WBP4: variants seen among roughly 807,000 people sequenced by gnomAD.
WBP4 encodes the protein WW domain binding protein 4, also known as WW domain-binding protein 4.
In WBP4, 37 loss-of-function variants were observed where a neutral mutation model predicts 55.4. That is an observed-to-expected ratio of 0.67 (90% CI 0.51 to 0.88). The LOEUF is 0.88. Ranked by LOEUF, WBP4 falls within the 40% of genes least tolerant of loss-of-function variation. The probability of loss-of-function intolerance (pLI) is 0.00; values close to 1 mark genes in which losing one functional copy is unlikely to be tolerated. For synonymous variants in WBP4, 142 were observed against 140.2 expected (o/e 1.01, Z -0.09); for missense variants, 398 against 420.8 (o/e 0.95, Z 0.47).
At chr13:41,064,140 C>T (rs1434107826) in intron 2 of WBP4, among the ~76,000 whole-genome samples, 1 of 151,858 alleles carries the variant, frequency 6.6e-6, no homozygotes, top group African/African-American at 2.4e-5. Context: ...CTTATTCCAG[C>T]ATACATAAAA....
At chr13:41,082,656 G>T in intron 9 of WBP4, 48 bp from the exon 10 acceptor site, 1 of 1,574,466 alleles carries the variant, frequency 6.4e-7, no homozygotes, top group Non-Finnish European at 8.7e-7. Flanking sequence ...ATATGAAAAC[G>T]TTTGTCTTAC....
At chr13:41,079,562 A>G (rs1178567982) in intron 8 of WBP4, among the ~76,000 whole-genome samples, 1 of 141,514 alleles carries the variant, frequency 7.1e-6, no homozygotes, top group Non-Finnish European at 1.6e-5. Flanking sequence ...AAAAAAAAAA[A>G]TCAGAAAACA....
At chr13:41,078,162 A>T (rs190338906) in intron 8 of WBP4, among the ~76,000 whole-genome samples, 7 of 152,338 alleles carry the variant, frequency 4.6e-5, no homozygotes, top group Admixed American at 1.3e-4. Context: ...ATGTGAAACC[A>T]AAAAAGAGCC....
At chr13:41,061,976 C>G in intron 1 of WBP4, 4 of 915,424 alleles carry the variant, frequency 4.4e-6, no homozygotes, top group Non-Finnish European at 5.2e-6. Flanking sequence ...ACGACGCTGT[C>G]GGGGGTCGCA....
At chr13:41,069,639 G>A (rs1232252773) in intron 5 of WBP4, among the ~76,000 whole-genome samples, 1 of 151,208 alleles carries the variant, frequency 6.6e-6, no homozygotes, top group Non-Finnish European at 1.5e-5. Context: ...CCAGGAAGCG[G>A]AGCTTGCGGT....
intron 8 of WBP4, among the ~76,000 whole-genome samples, chr13:41,079,965 A>C (rs533264800): frequency 2.6e-4 from 40 of 151,456 alleles, no homozygotes; most frequent in African/African-American, 9.6e-4. Context: ...GAAATAACTC[A>C]AAGTCAAATA....
At chr13:41,074,858 G>T (rs1316643114) in intron 7 of WBP4, among the ~76,000 whole-genome samples, 1 of 152,148 alleles carries the variant, frequency 6.6e-6, no homozygotes, top group East Asian at 1.9e-4. Context: ...AGCTGGGCGT[G>T]GTGGCGCTTG....
At chr13:41,075,969 G>C (rs1158753150) in intron 7 of WBP4, 75 bp from the exon 8 acceptor site, 1 of 1,433,694 alleles carries the variant, frequency 7.0e-7, no homozygotes, top group Non-Finnish European at 9.6e-7. Context: ...AATTGTAAGT[G>C]ATAAATGTTA....
chr13:41,082,787 T>A lies in WBP4; in HGVS notation c.1004T>A (p.Val335Glu), dbSNP rs760294909. The part of the protein sequence containing the change: ...SEADGGGEPK[V>E]VFKEKTVTSL... ...GCTGATGGTGGCGGAGAACCCAAAG[T>A]GGTATTTAAAGAAAAAACAGTCACT... is the stretch of plus-strand genomic sequence containing the variant. The change falls in exon 10 of 10, where the codon GTG becomes GAG. Residue 335 changes from valine (V) to glutamate (E), a missense_variant. Transcript: ENST00000379487. 6.2e-7 allele frequency: 1 copy of A among 1,613,972 alleles called. No homozygotes were observed.
rs1345781341 is a variant in WBP4, at chr13:41,071,538, G to A, written c.451G>A (p.Glu151Lys). The change falls in exon 6 of 10, where the codon GAG (glutamate) becomes AAG (lysine). Residue 151 changes from glutamate (E) to lysine (K), a missense_variant. Physicochemically the swap from Glu to Lys is moderately conservative, Grantham distance 56. Transcript: ENST00000379487. ...TATTTTGCTTTAAGCATCTCAGTGG[G>A]AGAAACCTGAAGGATTTCAAGGAGA... ...YDLISGASQW[E>K]KPEGFQGDLK... is the part of the protein sequence containing the mutation. The A allele has an allele frequency of 1.2e-6, 2 of 1,607,860 alleles. No homozygotes were observed. Among genetic ancestry groups the A allele is most frequent in the Admixed American group, 3.4e-5 (2 of 59,120 alleles).
chr13:41,079,606 CACTT>C (rs1377511783), intron 8 of WBP4, among the ~76,000 whole-genome samples: 1 of 147,716 alleles, frequency 6.8e-6, no homozygotes, highest in Admixed American at 6.7e-5. Flanking sequence ...GAAAGGGAAA[CACTT>C]ATACACTTAC....
At chr13:41,072,182 G>A (rs761580931) in intron 6 of WBP4, among the ~76,000 whole-genome samples, 4 of 152,092 alleles carry the variant, frequency 2.6e-5, no homozygotes, top group Admixed American at 1.3e-4. Context: ...TTTCAAAGGT[G>A]AGACATCCAC....
chr13:41,073,995 A>G (rs1038324219), intron 7 of WBP4, among the ~76,000 whole-genome samples: 6 of 151,536 alleles, frequency 4.0e-5, no homozygotes, highest in African/African-American at 9.7e-5. Context: ...CAGTGGCACA[A>G]TCTCGGCTCA....
chr13:41,081,353 G>A (rs1878768702), intron 9 of WBP4, among the ~76,000 whole-genome samples: 1 of 151,646 alleles, frequency 6.6e-6, no homozygotes. Context: ...AAAAAACTTA[G>A]CAGGGAATAG....
rs1208599924 is a variant in WBP4, at chr13:41,083,094, A to G, written c.*180A>G. On this transcript the variant is annotated 3_prime_UTR_variant, in exon 10 of 10. Transcript: ENST00000379487. ...AAATTTATTTTGGTTCCTAAAATGGAAGCCTACCACATTGCATTGTAATAC... is the reference window on the plus strand; with the variant it reads ...AAATTTATTTTGGTTCCTAAAATGGGAGCCTACCACATTGCATTGTAATAC... 3.2e-6 allele frequency: 2 copies of G among 630,098 alleles called. No individual in the cohort carries two copies. The highest frequency in any genetic ancestry group is 3.7e-5 in the African/African-American group (2 of 54,432). The allele number at this position is 630,098 out of a possible 1,614,324, so 39.0% of individuals were successfully genotyped here.
Position 41,065,098 on chromosome 13 carries a change from T to C in WBP4, c.138+20T>C, listed in dbSNP as rs756981895. 3.1e-6 allele frequency: 5 copies of C among 1,600,718 alleles called. No homozygotes were observed. The highest frequency in any genetic ancestry group is 4.2e-6 in the Non-Finnish European group (5 of 1,176,600). Reference sequence around the variant, plus strand: ...AGTGAGGTAATTTAGATTGTTTATTTGCTAATTTTTCTATGCAAATGTCAG... The same window carrying C: ...AGTGAGGTAATTTAGATTGTTTATTCGCTAATTTTTCTATGCAAATGTCAG... On this transcript the variant is annotated intron_variant, in intron 3 of 9. Coordinates refer to ENST00000379487, the MANE Select transcript of WBP4 (RefSeq NM_007187.5).
In WBP4 at chr13:41,076,063, T is replaced by C. The variant is rs1414437241; in HGVS notation, c.582T>C (p.Pro194=). ...TETGESRWEK[P]DDFIPHTSDL... ...GAGCAGAATCCAGATGGGAGAAACC[T>C]GATGATTTCATTCCACACACTAGTG... Residue 194 remains proline (P), a synonymous_variant, in exon 8 of 10, where the codon CCT becomes CCC. Transcript: ENST00000379487. The C allele has an allele frequency of 6.2e-7, 1 of 1,613,160 alleles. No homozygotes were observed. Among genetic ancestry groups the C allele is most frequent in the Admixed American group, 1.7e-5 (1 of 59,730 alleles).
rs1170552474 is a variant in WBP4, at chr13:41,082,788, G to A, written c.1005G>A (p.Val335=). Residue 335 remains valine (V), a synonymous_variant, in exon 10 of 10, where the codon GTG becomes GTA. Coordinates refer to ENST00000379487, the MANE Select transcript of WBP4 (RefSeq NM_007187.5). The stretch of plus-strand genomic sequence containing the variant: ...CTGATGGTGGCGGAGAACCCAAAGT[G>A]GTATTTAAAGAAAAAACAGTCACTT... ...SEADGGGEPK[V]VFKEKTVTSL... 4 of 1,613,906 alleles carry A rather than the reference G, an allele frequency of 2.5e-6. No homozygotes were observed. The highest frequency in any genetic ancestry group is 3.4e-6 in the Non-Finnish European group (4 of 1,180,006).
chr13:41,074,867 T>TG (rs1878407983), intron 7 of WBP4, among the ~76,000 whole-genome samples: 1 of 152,126 alleles, frequency 6.6e-6, no homozygotes, highest in African/African-American at 2.4e-5. Flanking sequence ...TGGTGGCGCT[T>TG]GCCTGTGGTC....
Sources: allele counts gnomAD v4.1 joint callset (sites outside exome capture counted in the v4.1 genomes callset), GRCh38; gene constraint gnomAD v4.1.1; transcripts MANE v1.5; gene names NCBI Gene and HGNC (gene_info 2026-07-23, HGNC 2026-07-21).